The following AFF2 variants were observed in gnomAD, a reference collection of about 807,000 sequenced individuals.
AFF2 encodes AF4/FMR2 family member 2.
A neutral mutation model predicts 76.9 loss-of-function variants in AFF2; 14 were observed. The ratio of observed to expected loss-of-function variants is 0.18; its 90% CI spans 0.12 to 0.28. The LOEUF is 0.28. Among genes scored for constraint, AFF2 ranks in the 10% least tolerant of loss-of-function variants. The pLI is 1.00. For missense variants in AFF2, 868 were observed against 1,001.1 expected (o/e 0.87, Z 1.79); for synonymous variants, 398 against 366.7 (o/e 1.09, Z -0.98).
intron 3 of AFF2, among the ~76,000 whole-genome samples, chrX:148,664,827 T>C (rs1557258280): frequency 8.9e-6 from 1 of 112,599 alleles, no homozygotes; most frequent in Non-Finnish European, 1.9e-5. Context: ...AGGAAATCCA[T>C]CATGAGTTAT....
At chrX:148,591,274 GA>G (rs1471239094) in intron 1 of AFF2, among the ~76,000 whole-genome samples, 2 of 111,667 alleles carry the variant, frequency 1.8e-5, no homozygotes, top group African/African-American at 6.5e-5. Context: ...TACATGGAAG[GA>G]ACACTTGACT....
intron 3 of AFF2, among the ~76,000 whole-genome samples, chrX:148,765,610 T>A (rs1391589469): frequency 6.3e-5 from 7 of 111,820 alleles, no homozygotes; most frequent in Non-Finnish European, 1.1e-4. Flanking sequence ...CCTAGGGCTC[T>A]TTAAAACCCT....
At chrX:148,901,278 C>T (rs1005614999) in intron 8 of AFF2, among the ~76,000 whole-genome samples, 5 of 111,461 alleles carry the variant, frequency 4.5e-5, no homozygotes, top group African/African-American at 1.3e-4. Context: ...CATTCTCTAA[C>T]ATTTTAATTT....
At chrX:148,658,838 C>A (rs1468718351) in intron 2 of AFF2, among the ~76,000 whole-genome samples, 2 of 112,200 alleles carry the variant, frequency 1.8e-5, no homozygotes, top group Non-Finnish European at 3.8e-5. Context: ...CTATTATGTA[C>A]CTTTGACTTC....
At chrX:148,882,114 T>G (rs1557278554) in intron 7 of AFF2, among the ~76,000 whole-genome samples, 1 of 111,524 alleles carries the variant, frequency 9.0e-6, no homozygotes, top group East Asian at 2.8e-4. Flanking sequence ...CATTCCACTA[T>G]GTAAATTGGC....
At chrX:148,948,300 A>G (rs1463383931) in intron 9 of AFF2, among the ~76,000 whole-genome samples, 2 of 112,286 alleles carry the variant, frequency 1.8e-5, no homozygotes, top group East Asian at 5.6e-4. Flanking sequence ...CTGTAGAGAC[A>G]GGACATTCCT....
At chrX:148,790,885 C>G (rs2069884855) in intron 3 of AFF2, among the ~76,000 whole-genome samples, 1 of 111,540 alleles carries the variant, frequency 9.0e-6, no homozygotes. Context: ...TAAAGGAGAC[C>G]AAATTGCAAG....
intron 15 of AFF2, among the ~76,000 whole-genome samples, chrX:148,969,554 A>AT (rs1283696774): frequency 2.7e-5 from 3 of 112,332 alleles, no homozygotes; most frequent in Non-Finnish European, 1.9e-5. Flanking sequence ...TAGATCACTT[A>AT]TAATATCTAA....
At chrX:148,879,991 C>T (rs2071079086) in intron 7 of AFF2, among the ~76,000 whole-genome samples, 1 of 112,138 alleles carries the variant, frequency 8.9e-6, no homozygotes. Context: ...TTATCAGGCC[C>T]ACGTGCCCAT....
At chrX:148,871,682 A>G (rs2070978186) in intron 7 of AFF2, among the ~76,000 whole-genome samples, 1 of 111,408 alleles carries the variant, frequency 9.0e-6, no homozygotes, top group Non-Finnish European at 1.9e-5. Context: ...GCACAGACAG[A>G]TTCCTTCTTT....
intron 3 of AFF2, among the ~76,000 whole-genome samples, chrX:148,729,395 A>T (rs1557264495): frequency 8.9e-6 from 1 of 112,158 alleles, no homozygotes; most frequent in African/African-American, 3.2e-5. Flanking sequence ...CAAAGAATAA[A>T]GGGGCATGGT....
chrX:148,853,762 T>C (rs782338792), intron 7 of AFF2, among the ~76,000 whole-genome samples: 1 of 112,036 alleles, frequency 8.9e-6, no homozygotes, highest in African/African-American at 3.2e-5. Context: ...CAGAGAGCGA[T>C]AGACTTAAAA....
intron 9 of AFF2, among the ~76,000 whole-genome samples, chrX:148,917,332 T>G (rs2071544454): frequency 1.8e-5 from 2 of 112,104 alleles, no homozygotes; most frequent in Non-Finnish European, 1.9e-5. Context: ...GTAGTTATAT[T>G]TGATGTATGT....
At chrX:148,695,765 C>CT (rs1483488733) in intron 3 of AFF2, among the ~76,000 whole-genome samples, 2 of 111,792 alleles carry the variant, frequency 1.8e-5, no homozygotes, top group African/African-American at 6.5e-5. Flanking sequence ...TAATTTGTTC[C>CT]TTTTTTAACA....
intron 1 of AFF2, among the ~76,000 whole-genome samples, chrX:148,571,090 C>A (rs782074106): frequency 1.8e-5 from 2 of 111,580 alleles, no homozygotes; most frequent in Non-Finnish European, 3.8e-5. Context: ...CAATTCATAA[C>A]AAATTTTCAT....
At chrX:148,712,842 A>G (rs1217574227) in intron 3 of AFF2, among the ~76,000 whole-genome samples, 2 of 112,038 alleles carry the variant, frequency 1.8e-5, no homozygotes, top group Non-Finnish European at 3.8e-5. Flanking sequence ...CCGTCTTCAA[A>G]CTTGCATCCT....
chrX:148,616,280 G>C (rs1352024360), intron 1 of AFF2, among the ~76,000 whole-genome samples: 1 of 111,687 alleles, frequency 9.0e-6, no homozygotes, highest in African/African-American at 3.3e-5. Flanking sequence ...GAAAGTCATT[G>C]AACTTCTCTT....
intron 8 of AFF2, among the ~76,000 whole-genome samples, chrX:148,890,111 A>G (rs1291726047): frequency 8.9e-6 from 1 of 112,202 alleles, no homozygotes; most frequent in Non-Finnish European, 1.9e-5. Flanking sequence ...AACTTGAATG[A>G]AAATGTCTGT....
chrX:148,977,377 T>TA (rs1281539142), intron 16 of AFF2, among the ~76,000 whole-genome samples: 51 of 102,542 alleles, frequency 5.0e-4, no homozygotes, highest in Middle Eastern at 9.8e-3. Context: ...GACCTTCCTT[T>TA]AAAAAAAAAA....
Sources: gnomAD v4.1 joint callset for allele counts (sites outside exome capture counted in the v4.1 genomes callset) on GRCh38, gnomAD v4.1.1 for gene constraint, MANE v1.5 for transcripts, NCBI Gene and HGNC (gene_info 2026-07-23, HGNC 2026-07-21) for gene names.